PHF14: variants seen among roughly 807,000 people sequenced by gnomAD.
The protein encoded by PHF14 is PHD finger protein 14.
PHF14 carries 55 observed loss-of-function variants against 117.9 expected under a neutral mutation model. The ratio of observed to expected loss-of-function variants is 0.47; its 90% confidence interval spans 0.38 to 0.58. The LOEUF (loss-of-function observed/expected upper bound fraction) is 0.58, where lower values mean the gene tolerates loss of function less well. Among genes scored for constraint, PHF14 ranks in the 20% least tolerant of loss-of-function variants. The probability of loss-of-function intolerance (pLI) is 0.00; values close to 1 mark genes in which losing one functional copy is unlikely to be tolerated. For missense variants in PHF14, 978 were observed against 1,122.2 expected, an observed-to-expected ratio of 0.87 and a Z score of 1.84; for synonymous variants, 409 against 368.6, an observed-to-expected ratio of 1.11 and a Z score of -1.26.
intron 17 of PHF14, among the ~76,000 whole-genome samples, chr7:11,124,096 A>G (rs1051313874): frequency 6.8e-6 from 1 of 146,992 alleles, no homozygotes; most frequent in African/African-American, 2.4e-5. Flanking sequence ...TGGTATCAGG[A>G]AAAAAAAATA....
intron 3 of PHF14, among the ~76,000 whole-genome samples, chr7:10,989,758 G>C (rs1227568259): frequency 2.0e-5 from 3 of 152,118 alleles, no homozygotes; most frequent in Non-Finnish European, 4.4e-5. Flanking sequence ...AGCCACCTGA[G>C]TACCTGGGAC....
At chr7:11,077,848 C>T (rs1161088109) in intron 16 of PHF14, among the ~76,000 whole-genome samples, 4 of 152,056 alleles carry the variant, frequency 2.6e-5, no homozygotes, top group East Asian at 3.8e-4. Context: ...CAAGTAAGAA[C>T]ATTATCTATC....
chr7:11,084,781 G>A (rs1030452335), intron 16 of PHF14, among the ~76,000 whole-genome samples: 3 of 152,004 alleles, frequency 2.0e-5, no homozygotes, highest in African/African-American at 7.2e-5. Flanking sequence ...TCAATTTGAT[G>A]GATGAAAATT....
At chr7:11,152,033 G>A (rs1337364392) in intron 17 of PHF14, among the ~76,000 whole-genome samples, 1 of 152,086 alleles carries the variant, frequency 6.6e-6, no homozygotes, top group African/African-American at 2.4e-5. Flanking sequence ...GAGTTAATAT[G>A]TTTACCAAAA....
chr7:11,144,057 A>G (rs1485850317), intron 17 of PHF14, among the ~76,000 whole-genome samples: 2 of 152,074 alleles, frequency 1.3e-5, no homozygotes, highest in Non-Finnish European at 2.9e-5. Context: ...CGATTTTAAA[A>G]AGGATCTGAG....
chr7:11,049,430 G>T (rs1167256876), intron 13 of PHF14, among the ~76,000 whole-genome samples: 2 of 149,766 alleles, frequency 1.3e-5, no homozygotes, highest in Admixed American at 1.3e-4. Flanking sequence ...AGCCGAGATC[G>T]TGCCACTGGA....
intron 4 of PHF14, among the ~76,000 whole-genome samples, chr7:11,002,218 A>T (rs1249476893): frequency 6.6e-6 from 1 of 151,722 alleles, no homozygotes; most frequent in Non-Finnish European, 1.5e-5. Context: ...CATGCAGGAG[A>T]TGGGAAGGAT....
At chr7:11,047,309 C>T (rs1344075552) in intron 13 of PHF14, among the ~76,000 whole-genome samples, 1 of 151,934 alleles carries the variant, frequency 6.6e-6, no homozygotes, top group Admixed American at 6.6e-5. Flanking sequence ...ACCTCATGAT[C>T]CGCCTGCCTT....
intron 17 of PHF14, among the ~76,000 whole-genome samples, chr7:11,166,326 A>G (rs1789200948): frequency 6.6e-6 from 1 of 151,910 alleles, no homozygotes; most frequent in Admixed American, 6.6e-5. Context: ...ATCTCAGCAG[A>G]GAGAAAAAAA....
intron 10 of PHF14, among the ~76,000 whole-genome samples, chr7:11,038,430 CAAAAA>C (rs958555910): frequency 4.0e-5 from 2 of 50,440 alleles, no homozygotes; most frequent in Admixed American, 2.4e-4. Context: ...GACTCCATCT[CAAAAA>C]AAAAAAAAAA....
At chr7:11,065,586 G>A (rs1201111208) in intron 16 of PHF14, among the ~76,000 whole-genome samples, 1 of 152,080 alleles carries the variant, frequency 6.6e-6, no homozygotes, top group Non-Finnish European at 1.5e-5. Flanking sequence ...TTGATTTTTT[G>A]TCACTAAAAT....
At chr7:11,078,152 C>T (rs571730500) in intron 16 of PHF14, among the ~76,000 whole-genome samples, 1 of 152,200 alleles carries the variant, frequency 6.6e-6, no homozygotes, top group African/African-American at 2.4e-5. Flanking sequence ...CCTTATTTAT[C>T]CTTATTCACT....
At chr7:11,094,325 C>A (rs1180360360) in intron 16 of PHF14, among the ~76,000 whole-genome samples, 1 of 152,198 alleles carries the variant, frequency 6.6e-6, no homozygotes, top group Non-Finnish European at 1.5e-5. Flanking sequence ...AGGCTGGTTT[C>A]TTCTAGAGTG....
At chr7:11,162,849 A>G (rs1196431700) in intron 17 of PHF14, among the ~76,000 whole-genome samples, 1 of 151,920 alleles carries the variant, frequency 6.6e-6, no homozygotes, top group East Asian at 1.9e-4. Context: ...CCACTGCCCT[A>G]TTTCTTTGCT....
chr7:11,090,017 C>T (rs949261998), intron 16 of PHF14, among the ~76,000 whole-genome samples: 4 of 152,136 alleles, frequency 2.6e-5, no homozygotes, highest in African/African-American at 4.8e-5. Context: ...GTGATTCGCC[C>T]GCCTTAGCCT....
chr7:11,123,923 A>AC (rs1463070935), intron 17 of PHF14, among the ~76,000 whole-genome samples: 3 of 152,116 alleles, frequency 2.0e-5, no homozygotes, highest in African/African-American at 7.2e-5. Context: ...ATCTCAAAAA[A>AC]AAAAAAACTA....
intron 16 of PHF14, 166 bp from the exon 17 acceptor site, chr7:11,111,184 A>G (rs1787432186): frequency 2.1e-6 from 1 of 485,086 alleles, no homozygotes; most frequent in African/African-American, 2.0e-5. Flanking sequence ...TTTCAGGTTT[A>G]GTTTGCCTTT....
At chr7:10,978,053 G>T (rs79484118) in intron 2 of PHF14, among the ~76,000 whole-genome samples, 1,759 of 152,258 alleles carry the variant, frequency 0.012, 33 homozygotes, top group African/African-American at 0.041. Flanking sequence ...GTAAAATGGG[G>T]TTAACTTTAG....
At chr7:11,082,436 C>T (rs899064055) in intron 16 of PHF14, among the ~76,000 whole-genome samples, 3 of 152,176 alleles carry the variant, frequency 2.0e-5, no homozygotes, top group African/African-American at 4.8e-5. Context: ...TTTGTCTATC[C>T]TAAATTAGCA....
Sources: gnomAD v4.1 joint callset for allele counts (sites outside exome capture counted in the v4.1 genomes callset) on GRCh38, gnomAD v4.1.1 for gene constraint, MANE v1.5 for transcripts, NCBI Gene and HGNC (gene_info 2026-07-23, HGNC 2026-07-21) for gene names.